CHSY3: variants seen among roughly 807,000 people sequenced by gnomAD.
CHSY3 encodes the protein N-acetylgalactosaminyl-proteoglycan 3-beta-glucuronosyltransferase 3.
Under a neutral mutation model 67.2 loss-of-function variants are expected in CHSY3, and 35 were observed. The observed-to-expected ratio is 0.52, with a 90% confidence interval of 0.40 to 0.69. CHSY3 has a LOEUF of 0.69. CHSY3 is among the 30% of genes least tolerant of loss of function. The probability of loss-of-function intolerance (pLI) is 0.00; values close to 1 mark genes in which losing one functional copy is unlikely to be tolerated. For missense variants in CHSY3, 1,069 were observed against 1,138.5 expected, an observed-to-expected ratio of 0.94 and a Z score of 0.88; for synonymous variants, 474 against 434.7, an observed-to-expected ratio of 1.09 and a Z score of -1.12.
At chr5:130,019,166 C>T (rs1313264824) in intron 2 of CHSY3, among the ~76,000 whole-genome samples, 1 of 151,792 alleles carries the variant, frequency 6.6e-6, no homozygotes, top group Non-Finnish European at 1.5e-5. Context: ...TTCTAAAATG[C>T]ATTGTATTCT....
rs1230444974 is a variant in CHSY3, at chr5:129,975,229, AAAAT to A, written c.1086+66883_1086+66886del. Reference sequence around the variant, plus strand: ...TACCCTAAAACTTAAAGTATAATAAAAAATAAATAAATAAATACAATCTAAGACT... The same window carrying A: ...TACCCTAAAACTTAAAGTATAATAAAAAATAAATAAATACAATCTAAGACT... On this transcript the variant is annotated intron_variant, in intron 2 of 2. Coordinates refer to ENST00000305031, the MANE Select transcript of CHSY3 (RefSeq NM_175856.5). Among the ~76,000 whole-genome samples the A allele has an allele frequency of 5.3e-5, 8 of 152,318 alleles. No individual in the cohort carries two copies. The Middle Eastern group carries it at 0.014, about 259-fold the overall frequency.
At chr5:129,940,033 C>T (rs1475592381) in intron 2 of CHSY3, among the ~76,000 whole-genome samples, 5 of 151,884 alleles carry the variant, frequency 3.3e-5, no homozygotes, top group African/African-American at 7.3e-5. Flanking sequence ...ATTATAACAC[C>T]GTTGAAAAAA....
chr5:129,904,199 G>T (rs2149570754), upstream of CHSY3, among the ~76,000 whole-genome samples: 1 of 152,106 alleles, frequency 6.6e-6, no homozygotes, highest in African/African-American at 2.4e-5. Flanking sequence ...AGGGAAGAGG[G>T]GGCGTCGGCG....
At chr5:130,092,375 G>A (rs1353954783) in intron 2 of CHSY3, among the ~76,000 whole-genome samples, 1 of 152,150 alleles carries the variant, frequency 6.6e-6, no homozygotes, top group Admixed American at 6.6e-5. Context: ...ACCTGCATAA[G>A]TGGGCCGAAA....
At chr5:129,999,501 C>T (rs1315741468) in intron 2 of CHSY3, among the ~76,000 whole-genome samples, 1 of 152,052 alleles carries the variant, frequency 6.6e-6, no homozygotes, top group African/African-American at 2.4e-5. Flanking sequence ...CTAAGAAATG[C>T]AATGATTACA....
chr5:130,068,889 C>T (rs1765969413), intron 2 of CHSY3, among the ~76,000 whole-genome samples: 1 of 152,076 alleles, frequency 6.6e-6, no homozygotes, highest in Admixed American at 6.6e-5. Context: ...TTTGCTCCTT[C>T]TGGCATCTAC....
intron 2 of CHSY3, among the ~76,000 whole-genome samples, chr5:130,074,778 A>G (rs1013455125): frequency 2.6e-5 from 4 of 152,176 alleles, no homozygotes; most frequent in Non-Finnish European, 5.9e-5. Flanking sequence ...CATATTTAGG[A>G]TTCAATACTT....
At chr5:130,113,453 A>T (rs1458658788) in intron 2 of CHSY3, among the ~76,000 whole-genome samples, 1 of 152,234 alleles carries the variant, frequency 6.6e-6, no homozygotes, top group Non-Finnish European at 1.5e-5. Flanking sequence ...ACTCAGAAAC[A>T]AAGCTATTAA....
intron 2 of CHSY3, among the ~76,000 whole-genome samples, chr5:129,913,933 A>T (rs1337390728): frequency 1.3e-5 from 2 of 152,212 alleles, no homozygotes; most frequent in African/African-American, 4.8e-5. Flanking sequence ...AAATTACATT[A>T]TTTCACAAAA....
At chr5:130,059,651 G>A (rs1305000783) in intron 2 of CHSY3, among the ~76,000 whole-genome samples, 1 of 152,060 alleles carries the variant, frequency 6.6e-6, no homozygotes, top group Non-Finnish European at 1.5e-5. Flanking sequence ...CCAGGGATTT[G>A]ATATGAATAA....
intron 2 of CHSY3, among the ~76,000 whole-genome samples, chr5:130,067,257 C>A (rs1252452458): frequency 6.6e-6 from 1 of 152,112 alleles, no homozygotes; most frequent in Non-Finnish European, 1.5e-5. Context: ...CATTTTATAT[C>A]CTGTGTGTTT....
chr5:130,035,886 GTTT>G (rs1180462327), intron 2 of CHSY3, among the ~76,000 whole-genome samples: 5 of 65,554 alleles, frequency 7.6e-5, no homozygotes, highest in African/African-American at 2.4e-4. Context: ...TCATTTGGTT[GTTT>G]TTTTTTTTTT....
At chr5:130,097,498 C>CA (rs1366008849) in intron 2 of CHSY3, among the ~76,000 whole-genome samples, 1 of 152,184 alleles carries the variant, frequency 6.6e-6, no homozygotes, top group Non-Finnish European at 1.5e-5. Flanking sequence ...ACTTAATTGA[C>CA]AAAGTGCTAC....
intron 2 of CHSY3, among the ~76,000 whole-genome samples, chr5:130,069,962 A>C (rs909772231): frequency 6.6e-6 from 1 of 152,102 alleles, no homozygotes; most frequent in Non-Finnish European, 1.5e-5. Context: ...TGCATTTAAT[A>C]TTGACATTTA....
At chr5:130,018,962 C>A (rs868651362) in intron 2 of CHSY3, among the ~76,000 whole-genome samples, 5 of 152,098 alleles carry the variant, frequency 3.3e-5, no homozygotes, top group African/African-American at 1.2e-4. Flanking sequence ...CGCTTCCCCT[C>A]GGACCATCTC....
At chr5:130,175,639 T>A (rs1770024546) in intron 2 of CHSY3, among the ~76,000 whole-genome samples, 1 of 151,636 alleles carries the variant, frequency 6.6e-6, no homozygotes, top group African/African-American at 2.4e-5. Flanking sequence ...AACAGTATGG[T>A]ACTGGTACCA....
intron 2 of CHSY3, among the ~76,000 whole-genome samples, chr5:130,100,048 T>C (rs1420456762): frequency 6.6e-6 from 1 of 152,154 alleles, no homozygotes; most frequent in Admixed American, 6.5e-5. Context: ...AGATACTGTA[T>C]TTTGGAAAGC....
chr5:129,932,140 A>ATATATG lies in CHSY3; in HGVS notation c.1086+23783_1086+23784insATGTAT, dbSNP rs1183646627. Among the ~76,000 whole-genome samples the ATATATG allele has an allele frequency of 3.1e-3, 427 of 136,240 alleles. 9 individuals carry two copies. Among genetic ancestry groups the ATATATG allele is most frequent in the African/African-American group, 0.012 (400 of 33,830 alleles). The allele number at this position is 136,240 out of a possible 152,430, so 89.4% of individuals were successfully genotyped here. On this transcript the variant is annotated intron_variant, in intron 2 of 2. Coordinates refer to ENST00000305031, the MANE Select transcript of CHSY3 (RefSeq NM_175856.5). Reference sequence around the variant, plus strand: ...TATATATATATATATATATATATATATATGTATATGAGAGTTAGCTATCTA... The same window carrying ATATATG: ...TATATATATATATATATATATATATATATATGTATGTATATGAGAGTTAGCTATCTA...
chr5:129,986,758 C>A (rs1303625503), intron 2 of CHSY3, among the ~76,000 whole-genome samples: 1 of 152,020 alleles, frequency 6.6e-6, no homozygotes, highest in Non-Finnish European at 1.5e-5. Context: ...TTCTCCTGCC[C>A]CAGCCCCCCA....
Sources: gnomAD v4.1 joint callset for allele counts (sites outside exome capture counted in the v4.1 genomes callset) on GRCh38, gnomAD v4.1.1 for gene constraint, MANE v1.5 for transcripts, NCBI Gene and HGNC (gene_info 2026-07-23, HGNC 2026-07-21) for gene names.